The following DMXL1 variants were observed in gnomAD, a reference collection of about 807,000 sequenced individuals.
DMXL1 encodes Dmx like 1, also known as dmX-like protein 1.
In DMXL1, 99 loss-of-function variants were observed where a neutral mutation model predicts 319.2. The observed-to-expected ratio is 0.31, with a 90% CI of 0.26 to 0.37. The LOEUF (loss-of-function observed/expected upper bound fraction) is 0.37. Ranked by LOEUF, DMXL1 falls within the 10% of genes least tolerant of loss-of-function variation. The pLI, the probability that DMXL1 is intolerant of heterozygous loss-of-function variation, is 1.00. For synonymous variants in DMXL1, 1,385 were observed against 1,235.2 expected, an observed-to-expected ratio of 1.12 and a Z score of -2.54; for missense variants, 3,745 against 3,595.6, an observed-to-expected ratio of 1.04 and a Z score of -1.06.
At chr5:119,104,678 G>A (rs554547438) in intron 3 of DMXL1, among the ~76,000 whole-genome samples, 1 of 152,238 alleles carries the variant, frequency 6.6e-6, no homozygotes, top group South Asian at 2.1e-4. Context: ...CATACATTGT[G>A]TATTTCTTAC....
rs146247852 is a variant in DMXL1 at position 119,129,757 on chromosome 5, A to G, written c.1315+334A>G. Among the ~76,000 whole-genome samples, 141 of 152,370 alleles carry G rather than the reference A, an allele frequency of 9.3e-4. 1 individual carries two copies. Among genetic ancestry groups the G allele is most frequent in the African/African-American group, 3.3e-3 (136 of 41,584 alleles). ...AAGGTCCACACAGACCCACCAAACC[A>G]GAATCTGCAATTTAATGAAATTTCC... is the stretch of plus-strand genomic sequence containing the variant. On this transcript the variant is annotated intron_variant, in intron 10 of 43. Transcript: ENST00000539542.
intron 23 of DMXL1, among the ~76,000 whole-genome samples, chr5:119,169,727 T>C (rs1221012790): frequency 6.6e-6 from 1 of 152,186 alleles, no homozygotes; most frequent in Non-Finnish European, 1.5e-5. Context: ...GTCCAAGTTA[T>C]CAGTGTGTAG....
intron 39 of DMXL1, among the ~76,000 whole-genome samples, chr5:119,234,144 A>T (rs1278313893): frequency 6.6e-6 from 1 of 152,016 alleles, no homozygotes; most frequent in South Asian, 2.1e-4. Context: ...TACTGTCTTC[A>T]CTTCTCATAA....
intron 35 of DMXL1, 52 bp from the exon 36 acceptor site, chr5:119,220,420 A>G (rs779172345): frequency 3.4e-5 from 54 of 1,575,614 alleles, no homozygotes; most frequent in Non-Finnish European, 4.3e-5. Context: ...CAGCTCATAT[A>G]CTATCTCTTT....
At chr5:119,176,417 A>T (rs1202797858) in intron 26 of DMXL1, among the ~76,000 whole-genome samples, 1 of 152,032 alleles carries the variant, frequency 6.6e-6, no homozygotes, top group African/African-American at 2.4e-5. Context: ...AGGTAACTTC[A>T]ACTTGATTTC....
intron 31 of DMXL1, 78 bp from the exon 32 acceptor site, chr5:119,197,673 CCTCT>C (rs1246856964): frequency 2.4e-6 from 3 of 1,270,102 alleles, no homozygotes; most frequent in Non-Finnish European, 3.4e-6. Flanking sequence ...TCTGCTCTCC[CCTCT>C]CTCATTTCAG....
rs183760336 is a variant in DMXL1, at chr5:119,232,559, A to G, written c.8339-781A>G. Reference sequence around the variant, plus strand: ...CTCACAACTGTCCAGTGACTTATATATCATTAGTCCCTTTTTACAGGAAGG... The same window carrying G: ...CTCACAACTGTCCAGTGACTTATATGTCATTAGTCCCTTTTTACAGGAAGG... On this transcript the variant is annotated intron_variant, in intron 38 of 43. Coordinates refer to ENST00000539542, the MANE Select transcript of DMXL1 (RefSeq NM_001290321.3). Among the ~76,000 whole-genome samples the G allele has an allele frequency of 2.7e-3, 411 of 152,294 alleles. 7 individuals are homozygous for G. Among genetic ancestry groups the G allele is most frequent in the Middle Eastern group, 0.017 (5 of 294 alleles).
At chr5:119,185,504 T>G (rs915188417) in intron 28 of DMXL1, among the ~76,000 whole-genome samples, 4 of 152,250 alleles carry the variant, frequency 2.6e-5, no homozygotes, top group Middle Eastern at 3.4e-3. Flanking sequence ...TTTTTTTGTT[T>G]GTTTGTTTGT....
intron 28 of DMXL1, among the ~76,000 whole-genome samples, chr5:119,188,985 C>T (rs1778236949): frequency 6.6e-6 from 1 of 152,102 alleles, no homozygotes; most frequent in Non-Finnish European, 1.5e-5. Flanking sequence ...ATGCCTTTGT[C>T]TGCAAAATCC....
chr5:119,210,757 G>GTTTTTTTTTTTTTTTTTTTTTTC, intron 34 of DMXL1, among the ~76,000 whole-genome samples: 5 of 89,782 alleles, frequency 5.6e-5, no homozygotes, highest in Non-Finnish European at 4.2e-5. Context: ...TTTTTCTTTC[G>GTTTTTTTTTTTTTTTTTTTTTTC]TTTTTTTTTT....
chr5:119,075,534 C>G (rs1451097533), intron 1 of DMXL1, among the ~76,000 whole-genome samples: 1 of 152,072 alleles, frequency 6.6e-6, no homozygotes, highest in Non-Finnish European at 1.5e-5. Flanking sequence ...CCACCGCGCC[C>G]TGCCTGTTAG....
Position 119,248,653 on chromosome 5 carries a change from A to G in DMXL1, c.*1434A>G, listed in dbSNP as rs1790128077. 1 of 152,530 alleles carries G rather than the reference A, an allele frequency of 6.6e-6. No homozygotes were observed. Among genetic ancestry groups the G allele is most frequent in the East Asian group, 1.9e-4 (1 of 5,206 alleles). 9.4% of individuals were successfully genotyped at this position (152,530 alleles called of 1,614,324 possible). On this transcript the variant is annotated 3_prime_UTR_variant, in exon 44 of 44. Transcript: ENST00000539542. ...CAAAGCAAAGAAATGAAGGGCTGGTAAAATGAATTTTGTAATATCCTCAGG... is the reference window on the plus strand; with the variant it reads ...CAAAGCAAAGAAATGAAGGGCTGGTGAAATGAATTTTGTAATATCCTCAGG...
At position 119,233,461 on chromosome 5, in the gene DMXL1, A is replaced by G; in HGVS notation, c.8460A>G (p.Gly2820=). 1 of 1,609,700 alleles carries G rather than the reference A, an allele frequency of 6.2e-7. No individual in the cohort carries two copies. Among genetic ancestry groups the G allele is most frequent in the Non-Finnish European group, 8.5e-7 (1 of 1,176,722 alleles). ...CAAGAATGAGATTTAACTATCAGGGAAATAAGGTATTATATAAAAATGTAA... is the reference window on the plus strand; with the variant it reads ...CAAGAATGAGATTTAACTATCAGGGGAATAAGGTATTATATAAAAATGTAA... ...RVTRMRFNYQ[G]NKFGIVDADG... The change falls in exon 39 of 44, where the codon GGA becomes GGG. Residue 2820 remains glycine, a synonymous_variant. Coordinates refer to ENST00000539542, the MANE Select transcript of DMXL1 (RefSeq NM_001290321.3).
At chr5:119,183,881 G>C (rs1777217531) in intron 28 of DMXL1, among the ~76,000 whole-genome samples, 1 of 152,140 alleles carries the variant, frequency 6.6e-6, no homozygotes, top group African/African-American at 2.4e-5. Flanking sequence ...TTTTATACAA[G>C]AGTAGAGAAA....
intron 41 of DMXL1, among the ~76,000 whole-genome samples, chr5:119,239,416 C>A (rs901625881): frequency 6.6e-6 from 1 of 152,134 alleles, no homozygotes; most frequent in Non-Finnish European, 1.5e-5. Flanking sequence ...ACTATAGATT[C>A]TTCAGCTCGT....
At chr5:119,097,955 A>T in intron 1 of DMXL1, 24 bp from the exon 2 acceptor site, 1 of 1,567,728 alleles carries the variant, frequency 6.4e-7, no homozygotes. Flanking sequence ...CACTTTTATC[A>T]TTTTTATTTA....
At chr5:119,242,079 G>A (rs1301748179) in intron 42 of DMXL1, among the ~76,000 whole-genome samples, 1 of 152,102 alleles carries the variant, frequency 6.6e-6, no homozygotes, top group Non-Finnish European at 1.5e-5. Flanking sequence ...ATATTTTATG[G>A]TAGTAAATGA....
At chr5:119,156,713 G>C (rs564481053) in intron 19 of DMXL1, among the ~76,000 whole-genome samples, 1 of 145,462 alleles carries the variant, frequency 6.9e-6, no homozygotes, top group South Asian at 2.2e-4. Flanking sequence ...ATAAAACATT[G>C]TCCCAGAATA....
chr5:119,151,911 C>T lies in DMXL1; in HGVS notation c.4595-18C>T. 3 of 1,563,360 alleles carry T rather than the reference C, an allele frequency of 1.9e-6. No individual in the cohort carries two copies. Among genetic ancestry groups the T allele is most frequent in the East Asian group, 2.3e-5 (1 of 44,338 alleles). ...AATTTTTTTTTTAATACATTGCTTC[C>T]CCTTTCTCCCATTGCAGGTGGAGAA... On this transcript the variant is annotated intron_variant, in intron 18 of 43. Transcript: ENST00000539542.
Sources: allele counts gnomAD v4.1 joint callset (sites outside exome capture counted in the v4.1 genomes callset), GRCh38; gene constraint gnomAD v4.1.1; transcripts MANE v1.5; gene names NCBI Gene and HGNC (gene_info 2026-07-23, HGNC 2026-07-21).